SLIT3: variants seen among roughly 807,000 people sequenced by gnomAD.
The protein encoded by SLIT3 is slit guidance ligand 3.
A neutral mutation model predicts 184.0 loss-of-function variants in SLIT3; 68 were observed. The observed-to-expected ratio is 0.37, with a 90% CI of 0.30 to 0.45. SLIT3 has a LOEUF of 0.45. Among genes scored for constraint, SLIT3 ranks in the 20% least tolerant of loss-of-function variants. SLIT3 has a pLI of 1.00. For missense variants in SLIT3, 1,707 were observed against 2,026.0 expected (o/e 0.84, Z 3.02); for synonymous variants, 831 against 828.6 (o/e 1.00, Z -0.05).
chr5:168,995,863 C>G (rs907654612), intron 4 of SLIT3, among the ~76,000 whole-genome samples: 5 of 152,208 alleles, frequency 3.3e-5, no homozygotes, highest in African/African-American at 1.2e-4. Context: ...GGCCTCTGTT[C>G]TCATACAAAG....
chr5:169,096,571 G>A (rs1230820586), intron 4 of SLIT3, among the ~76,000 whole-genome samples: 3 of 152,234 alleles, frequency 2.0e-5, no homozygotes, highest in South Asian at 2.1e-4. Context: ...CCATTGGACA[G>A]AATTTGGCCC....
intron 4 of SLIT3, chr5:168,993,062 G>A (rs754673569): frequency 4.6e-5 from 7 of 152,204 alleles, no homozygotes; most frequent in Non-Finnish European, 1.0e-4. Context: ...GCCTCAGTAG[G>A]TAGGTGTTTG....
chr5:168,886,689 G>A (rs1423037044), intron 4 of SLIT3, among the ~76,000 whole-genome samples: 1 of 152,156 alleles, frequency 6.6e-6, no homozygotes, highest in Admixed American at 6.5e-5. Flanking sequence ...AGTGGGAGGT[G>A]TGCAGTATTT....
At chr5:168,684,610 C>T (rs1013089492) in intron 31 of SLIT3, among the ~76,000 whole-genome samples, 12 of 151,910 alleles carry the variant, frequency 7.9e-5, no homozygotes, top group Admixed American at 2.6e-4. Context: ...GCTGGGACTA[C>T]GGGTGCTTAC....
intron 9 of SLIT3, among the ~76,000 whole-genome samples, chr5:168,802,859 C>T (rs1435715511): frequency 6.6e-6 from 1 of 152,222 alleles, no homozygotes; most frequent in Non-Finnish European, 1.5e-5. Flanking sequence ...GTTCACCTAA[C>T]TTTCATAAGA....
intron 4 of SLIT3, among the ~76,000 whole-genome samples, chr5:168,965,625 C>T (rs1763158383): frequency 6.6e-6 from 1 of 152,202 alleles, no homozygotes; most frequent in Non-Finnish European, 1.5e-5. Context: ...ATGCCAACAG[C>T]ACTTTGACAT....
chr5:168,780,249 G>C (rs1181282838), intron 12 of SLIT3, among the ~76,000 whole-genome samples: 1 of 152,236 alleles, frequency 6.6e-6, no homozygotes, highest in Admixed American at 6.5e-5. Context: ...CCAAACTCCA[G>C]AGAGCAAGGC....
intron 4 of SLIT3, among the ~76,000 whole-genome samples, chr5:168,972,134 C>G (rs1169610713): frequency 6.6e-6 from 1 of 152,142 alleles, no homozygotes; most frequent in Admixed American, 6.5e-5. Context: ...GTGAGAAGAC[C>G]TGGAGAGGCA....
intron 4 of SLIT3, among the ~76,000 whole-genome samples, chr5:169,063,648 T>C (rs935160453): frequency 2.0e-5 from 3 of 152,336 alleles, no homozygotes; most frequent in Middle Eastern, 3.4e-3. Context: ...GAAAGTTTTA[T>C]GTGTGTGATG....
chr5:168,922,555 C>G (rs1400539745), intron 4 of SLIT3, among the ~76,000 whole-genome samples: 1 of 151,272 alleles, frequency 6.6e-6, no homozygotes, highest in Admixed American at 6.6e-5. Flanking sequence ...AACAGGCTGA[C>G]CAAGATTAAG....
At chr5:168,715,603 TAGAG>T (rs752472896) in intron 23 of SLIT3, among the ~76,000 whole-genome samples, 6 of 152,192 alleles carry the variant, frequency 3.9e-5, no homozygotes, top group African/African-American at 4.8e-5. Context: ...GTGTCTTAAA[TAGAG>T]AAAGACTGCC....
intron 4 of SLIT3, among the ~76,000 whole-genome samples, chr5:168,890,453 T>A (rs1460407348): frequency 6.6e-6 from 1 of 152,198 alleles, no homozygotes; most frequent in Non-Finnish European, 1.5e-5. Flanking sequence ...TGGGATGGTA[T>A]GGGGCTGTTG....
chr5:169,207,948 C>T (rs569097551), intron 3 of SLIT3, among the ~76,000 whole-genome samples: 1 of 152,292 alleles, frequency 6.6e-6, no homozygotes, highest in East Asian at 1.9e-4. Context: ...TCTTGGACTT[C>T]CCCTTATTTA....
At chr5:169,106,714 G>A (rs1262272694) in intron 4 of SLIT3, among the ~76,000 whole-genome samples, 1 of 152,122 alleles carries the variant, frequency 6.6e-6, no homozygotes, top group South Asian at 2.1e-4. Flanking sequence ...ATCTTGCTAG[G>A]CATCACAACA....
intron 4 of SLIT3, among the ~76,000 whole-genome samples, chr5:168,920,095 A>C (rs1761588395): frequency 6.6e-6 from 1 of 152,210 alleles, no homozygotes; most frequent in African/African-American, 2.4e-5. Flanking sequence ...TGCATTGCTG[A>C]AACATCAGGC....
rs75030627 is a variant in SLIT3 at position 169,180,768 on chromosome 5, G to C, written c.413+12711C>G. ...CACCTTTCACTCTCATTTAAATAAA[G>C]GAAGTGTCACACATAAGGGAAAAGG... On this transcript the variant is annotated intron_variant, in intron 4 of 35. Transcript: ENST00000519560. 2.9e-3 allele frequency among the ~76,000 whole-genome samples: 443 copies of C among 152,238 alleles called. 4 individuals are homozygous for C. The highest frequency in any genetic ancestry group is 1.0e-2 in the African/African-American group (414 of 41,520).
chr5:169,235,223 T>C (rs1221106058), intron 3 of SLIT3, among the ~76,000 whole-genome samples: 1 of 152,194 alleles, frequency 6.6e-6, no homozygotes, highest in African/African-American at 2.4e-5. Flanking sequence ...TATTAATTTC[T>C]TGTTGACTTA....
intron 4 of SLIT3, among the ~76,000 whole-genome samples, chr5:168,991,741 G>A (rs1300768142): frequency 1.3e-5 from 2 of 152,242 alleles, no homozygotes; most frequent in Non-Finnish European, 1.5e-5. Flanking sequence ...CCCAGAGACT[G>A]GAGAGGAGAA....
chr5:168,732,410 G>A (rs546994003), intron 20 of SLIT3, among the ~76,000 whole-genome samples: 1 of 152,068 alleles, frequency 6.6e-6, no homozygotes, highest in African/African-American at 2.4e-5. Context: ...CAGATTCATT[G>A]CAATCCCTAC....
Sources: gnomAD v4.1 joint callset for allele counts (sites outside exome capture counted in the v4.1 genomes callset) on GRCh38, gnomAD v4.1.1 for gene constraint, MANE v1.5 for transcripts, NCBI Gene and HGNC (gene_info 2026-07-23, HGNC 2026-07-21) for gene names.